Variants in SPTBN4 observed in about 807,000 individuals in gnomAD.
SPTBN4 encodes spectrin beta chain, non-erythrocytic 4.
Under a neutral mutation model 277.8 loss-of-function variants are expected in SPTBN4, and 96 were observed. That is an observed-to-expected ratio of 0.35 (90% CI 0.29 to 0.41). The LOEUF is 0.41. Among genes scored for constraint, SPTBN4 ranks in the 10% least tolerant of loss-of-function variants. The probability of loss-of-function intolerance (pLI) is 1.00; values close to 1 mark genes in which losing one functional copy is unlikely to be tolerated. For synonymous variants in SPTBN4, 1,481 were observed against 1,580.3 expected (o/e 0.94, Z 1.49); for missense variants, 3,006 against 3,595.7 (o/e 0.84, Z 4.19).
chr19:40,560,530 G>A lies in SPTBN4; in HGVS notation c.5915+127G>A. 1 of 1,568,654 alleles carries A rather than the reference G, an allele frequency of 6.4e-7. No individual in the cohort carries two copies. The highest frequency in any genetic ancestry group is 8.6e-7 in the Non-Finnish European group (1 of 1,157,146). On this transcript the variant is annotated intron_variant, in intron 27 of 35. Coordinates refer to ENST00000598249, the MANE Select transcript of SPTBN4 (RefSeq NM_020971.3). This position sits in a 1 kb window ranked among gnomAD's most constrained non-coding sequence, Gnocchi z 5.2. The stretch of plus-strand genomic sequence containing the variant: ...CAATATCTGTGTGGCGCCTCTGTGT[G>A]CTAGGCACTGTTCTAGGTGCTTCGT...
At chr19:40,527,112 C>A (rs142367284) in intron 17 of SPTBN4, among the ~76,000 whole-genome samples, 1 of 152,164 alleles carries the variant, frequency 6.6e-6, no homozygotes, top group African/African-American at 2.4e-5. Flanking sequence ...TCTGTCTCTG[C>A]AACTGTCTCC....
chr19:40,560,667 C>T lies in SPTBN4; in HGVS notation c.5915+264C>T. 1 of 1,425,276 alleles carries T rather than the reference C, an allele frequency of 7.0e-7. No individual in the cohort carries two copies. Among genetic ancestry groups the T allele is most frequent in the Non-Finnish European group, 9.1e-7 (1 of 1,093,102 alleles). 88.3% of individuals were successfully genotyped at this position (1,425,276 alleles called of 1,614,324 possible). ...TTATTACCCTCTCCATGGGATGTCA[C>T]AGCATGAAACAGGCTAAAGACAGGA... On this transcript the variant is annotated intron_variant, in intron 27 of 35. Transcript: ENST00000598249. This position sits in a 1 kb window ranked among gnomAD's most constrained non-coding sequence, Gnocchi z 5.2.
chr19:40,543,079 C>T (rs2080819546), intron 20 of SPTBN4, among the ~76,000 whole-genome samples: 1 of 151,996 alleles, frequency 6.6e-6, no homozygotes, highest in Non-Finnish European at 1.5e-5. Flanking sequence ...CCCAGGATGC[C>T]CGGCCTACCT....
chr19:40,525,492 C>T (rs1330464087), intron 17 of SPTBN4, among the ~76,000 whole-genome samples: 1 of 151,972 alleles, frequency 6.6e-6, no homozygotes. Flanking sequence ...TGGCCTGTTC[C>T]ACATTTCTTG....
intron 33 of SPTBN4, 195 bp from the exon 34 acceptor site, chr19:40,571,824 C>A: frequency 1.9e-6 from 1 of 515,550 alleles, no homozygotes; most frequent in Non-Finnish European, 3.4e-6. Flanking sequence ...AGGCTTGATA[C>A]TGAGAGACTT....
chr19:40,494,862 C>T (rs1362222285), intron 5 of SPTBN4, 35 bp from the exon 6 acceptor site: 3 of 1,597,968 alleles, frequency 1.9e-6, no homozygotes, highest in Non-Finnish European at 2.6e-6. Context: ...TAACTCTCCC[C>T]ATCTCTGCCT....
chr19:40,533,975 CT>C (rs1167936427), intron 19 of SPTBN4, 104 bp from the exon 20 acceptor site: 13 of 1,396,024 alleles, frequency 9.3e-6, no homozygotes, highest in African/African-American at 1.4e-5. Flanking sequence ...CTCTGATTCT[CT>C]TTTCACATCC....
intron 22 of SPTBN4, among the ~76,000 whole-genome samples, chr19:40,551,349 AC>A (rs1394113847): frequency 2.6e-5 from 4 of 151,666 alleles, no homozygotes; most frequent in African/African-American, 9.7e-5. Flanking sequence ...TGAACACCCC[AC>A]TGCACTCCAC....
chr19:40,568,813 C>A (rs1218187069), intron 31 of SPTBN4, among the ~76,000 whole-genome samples: 2 of 152,208 alleles, frequency 1.3e-5, no homozygotes, highest in African/African-American at 4.8e-5. Flanking sequence ...GTGTGTTGTG[C>A]AGATCTGTCC....
At chr19:40,484,361 T>C (rs1395722126) in intron 2 of SPTBN4, among the ~76,000 whole-genome samples, 1 of 152,196 alleles carries the variant, frequency 6.6e-6, no homozygotes, top group Admixed American at 6.5e-5. Flanking sequence ...CTTAATATTA[T>C]TTAGTAATGG....
intron 2 of SPTBN4, among the ~76,000 whole-genome samples, chr19:40,480,687 G>A (rs969001060): frequency 7.2e-5 from 11 of 152,136 alleles, no homozygotes; most frequent in East Asian, 3.8e-4. Context: ...ATAGTGTTGC[G>A]TGGTGTGAAT....
intron 22 of SPTBN4, among the ~76,000 whole-genome samples, chr19:40,551,036 C>T (rs1413460197): frequency 2.0e-5 from 3 of 152,150 alleles, no homozygotes; most frequent in Admixed American, 1.3e-4. Flanking sequence ...GATGGGGTTT[C>T]GGACTGCTCC....
In SPTBN4 at chr19:40,549,366, G is replaced by A; in HGVS notation, c.4537G>A (p.Ala1513Thr). The A allele has an allele frequency of 6.5e-7, 1 of 1,530,832 alleles. No homozygotes were observed. The highest frequency in any genetic ancestry group is 8.7e-7 in the Non-Finnish European group (1 of 1,144,360). The allele number at this position is 1,530,832 out of a possible 1,614,324, so 94.8% of individuals were successfully genotyped here. A position where few individuals can be genotyped will look rare whatever the true frequency, so the allele number is the denominator to read the frequency against. Residue 1513 changes from alanine to threonine, a missense_variant, in exon 21 of 36, where the codon GCT becomes ACT. By Grantham distance (58) the Ala-to-Thr change is moderately conservative. This residue lies in a region of SPTBN4 where 1,759 missense variants were observed against 2,061.5 expected (regional missense o/e 0.85). Transcript: ENST00000598249. ...PLQERRRLLL[A>T]SKELHQVAHD... is the part of the protein sequence containing the mutation. ...GCAGGAGCGCCGCCGCTTGCTGCTG[G>A]CTTCCAAGGAGTTGCACCAGGTGGC...
intron 6 of SPTBN4, 137 bp from the exon 7 acceptor site, chr19:40,497,352 C>T: frequency 1.5e-6 from 1 of 656,384 alleles, no homozygotes; most frequent in Non-Finnish European, 2.7e-6. Context: ...GCACAGCACA[C>T]ACAGCTTGCC....
chr19:40,472,631 G>A lies in SPTBN4; in HGVS notation c.10G>A (p.Val4Ile), dbSNP rs769325922. 4.3e-6 allele frequency: 7 copies of A among 1,612,870 alleles called. No individual in the cohort carries two copies. Among genetic ancestry groups the A allele is most frequent in the South Asian group, 1.1e-5 (1 of 90,888 alleles). Residue 4 changes from valine (V) to isoleucine (I), a missense_variant, in exon 2 of 36, where the codon GTA (valine) becomes ATA (isoleucine). Transcript: ENST00000598249. MAQ[V>I]PGEVDNMEGL... Reference sequence around the variant, plus strand: ...GGCCTCACCTTCCCCGATGGCGCAGGTACCAGGGGAAGTGGACAACATGGA... The same window carrying A: ...GGCCTCACCTTCCCCGATGGCGCAGATACCAGGGGAAGTGGACAACATGGA...
At chr19:40,564,457 G>C (rs1241595535) in intron 27 of SPTBN4, among the ~76,000 whole-genome samples, 2 of 152,226 alleles carry the variant, frequency 1.3e-5, no homozygotes, top group Non-Finnish European at 2.9e-5. Flanking sequence ...CACATGTCTA[G>C]TGGCTACTGC....
intron 15 of SPTBN4, among the ~76,000 whole-genome samples, chr19:40,517,322 C>T (rs920051160): frequency 2.6e-5 from 4 of 151,308 alleles, no homozygotes; most frequent in Non-Finnish European, 4.4e-5. Flanking sequence ...CAGGGTCTTG[C>T]TCTTTCGCCC....
At chr19:40,470,823 G>A (rs967384879) in intron 1 of SPTBN4, among the ~76,000 whole-genome samples, 1 of 150,716 alleles carries the variant, frequency 6.6e-6, no homozygotes, top group Admixed American at 6.6e-5. Flanking sequence ...AGTAGAGACC[G>A]GGTTTCACCA....
At position 40,557,002 on chromosome 19, in the gene SPTBN4, C is replaced by T. The variant is rs773555561; in HGVS notation, c.5290-21C>T. On this transcript the variant is annotated intron_variant, in intron 25 of 35. Coordinates refer to ENST00000598249, the MANE Select transcript of SPTBN4 (RefSeq NM_020971.3). ...CCTTTGCTCACTTTGCTGTACCCCCCCCCCCACTTCCTGATGGCAGGTGCT... is the reference window on the plus strand; with the variant it reads ...CCTTTGCTCACTTTGCTGTACCCCCTCCCCCACTTCCTGATGGCAGGTGCT... 7.9e-6 allele frequency: 12 copies of T among 1,524,988 alleles called. No individual in the cohort carries two copies. In the Middle Eastern group the frequency reaches 7.2e-4, roughly 91 times the overall value. The allele number at this position is 1,524,988 out of a possible 1,614,324, so 94.5% of individuals were successfully genotyped here. A position where few individuals can be genotyped will look rare whatever the true frequency, so the allele number is the denominator to read the frequency against.
Sources: allele counts gnomAD v4.1 joint callset (sites outside exome capture counted in the v4.1 genomes callset), GRCh38; gene constraint gnomAD v4.1.1; regional missense constraint gnomAD v4.1.1; non-coding constraint Gnocchi (gnomAD v3.1); transcripts MANE v1.5; gene names NCBI Gene and HGNC (gene_info 2026-07-23, HGNC 2026-07-21).